The following OSBPL5 variants were observed in gnomAD, a reference collection of about 807,000 sequenced individuals.
OSBPL5 encodes the protein oxysterol binding protein like 5, also known as oxysterol-binding protein-related protein 5.
Under a neutral mutation model 111.2 loss-of-function variants are expected in OSBPL5, and 71 were observed. The observed-to-expected ratio is 0.64, with a 90% CI of 0.53 to 0.78. The LOEUF (loss-of-function observed/expected upper bound fraction) is 0.78. Ranked by LOEUF, OSBPL5 falls within the 30% of genes least tolerant of loss-of-function variation. OSBPL5 has a pLI of 0.00. For missense variants in OSBPL5, 1,210 were observed against 1,189.3 expected (o/e 1.02, Z -0.26); for synonymous variants, 549 against 513.9 (o/e 1.07, Z -0.93).
intron 21 of OSBPL5, 26 bp downstream of exon 21, chr11:3,089,820 G>A: frequency 6.5e-7 from 1 of 1,547,554 alleles, no homozygotes; most frequent in East Asian, 2.4e-5. Context: ...CCCGGAGTCT[G>A]GATGGACACC....
chr11:3,151,340 C>T (rs1846579092), intron 1 of OSBPL5, among the ~76,000 whole-genome samples: 1 of 152,182 alleles, frequency 6.6e-6, no homozygotes, highest in South Asian at 2.1e-4. Flanking sequence ...AGCACTCATG[C>T]CCTGGGTACA....
intron 1 of OSBPL5, among the ~76,000 whole-genome samples, chr11:3,148,475 G>C (rs978233987): frequency 2.0e-5 from 3 of 152,218 alleles, no homozygotes; most frequent in Admixed American, 2.0e-4. Context: ...GAAGAACAGA[G>C]GTCACAGAAG....
chr11:3,118,390 G>A (rs746326996), intron 7 of OSBPL5, among the ~76,000 whole-genome samples: 8 of 152,164 alleles, frequency 5.3e-5, no homozygotes, highest in Non-Finnish European at 7.4e-5. Context: ...GCCCCCTCCC[G>A]GCTTTGATTG....
chr11:3,135,559 G>A (rs551029338), intron 1 of OSBPL5, among the ~76,000 whole-genome samples: 2 of 152,274 alleles, frequency 1.3e-5, no homozygotes, highest in South Asian at 4.1e-4. Flanking sequence ...CCTCCTCCAG[G>A]CTAGCCCCAG....
chr11:3,094,548 GA>G (rs1857189728), intron 14 of OSBPL5: 1 of 248,506 alleles, frequency 4.0e-6, no homozygotes, highest in Admixed American at 1.1e-4. Flanking sequence ...CGGAGCCTGG[GA>G]GGTGCGGAGC....
chr11:3,106,763 A>T lies in OSBPL5; in HGVS notation c.1059+500T>A, dbSNP rs868780193. ...CTCCTCTTGTGTTTGTGGGTTTATC[A>T]TCTATGTTTCCTGCTGCCCATACAC... On this transcript the variant is annotated intron_variant, in intron 9 of 21. Transcript: ENST00000263650. This position sits in a 1 kb window ranked among gnomAD's most constrained non-coding sequence, Gnocchi z 8.4. Among the ~76,000 whole-genome samples the T allele has an allele frequency of 6.6e-5, 10 of 151,884 alleles. No individual in the cohort carries two copies. The highest frequency in any genetic ancestry group is 6.6e-4 in the Admixed American group (10 of 15,266).
In OSBPL5 at chr11:3,113,050, C is replaced by T. The variant is rs1255413101; in HGVS notation, c.692-5105G>A. The stretch of plus-strand genomic sequence containing the variant: ...GTGTCGTGTACACAATGTTTCACTA[C>T]TGAAAATATATAAAAGGGCTCTAAT... On this transcript the variant is annotated intron_variant, in intron 7 of 21. Coordinates refer to ENST00000263650, the MANE Select transcript of OSBPL5 (RefSeq NM_020896.4). This position sits in a 1 kb window ranked among gnomAD's most constrained non-coding sequence, Gnocchi z 4.8. 4.6e-5 allele frequency among the ~76,000 whole-genome samples: 7 copies of T among 152,048 alleles called. No individual in the cohort carries two copies. The highest frequency in any genetic ancestry group is 4.4e-5 in the Non-Finnish European group (3 of 68,018).
At chr11:3,151,814 C>T (rs1846596619) in intron 1 of OSBPL5, among the ~76,000 whole-genome samples, 1 of 152,256 alleles carries the variant, frequency 6.6e-6, no homozygotes, top group South Asian at 2.1e-4. Context: ...TGGGCCCCGT[C>T]ACTGGGGTCA....
intron 19 of OSBPL5, 164 bp from the exon 20 acceptor site, chr11:3,090,860 C>T (rs1369821882): frequency 1.1e-5 from 10 of 888,950 alleles, no homozygotes; most frequent in East Asian, 5.3e-5. Flanking sequence ...GTCTCAGCCC[C>T]GGCATGGCCT....
chr11:3,092,909 T>G lies in OSBPL5; in HGVS notation c.2090A>C (p.His697Pro), dbSNP rs773427798. The change falls in exon 18 of 22, where the codon CAC becomes CCC. Residue 697 changes from histidine (H) to proline (P), a missense_variant. Transcript: ENST00000263650. The surrounding 1 kb of genome is among the most constrained non-coding windows in gnomAD (Gnocchi z 5.4). ...CCACTCCTGGGTGATGGGGTCCAGGTGGAACAGCTGCGGCTTCCAGGGCAT... is the reference window on the plus strand; with the variant it reads ...CCACTCCTGGGTGATGGGGTCCAGGGGGAACAGCTGCGGCTTCCAGGGCAT... Reference protein sequence around the residue: ...SLMPWKPQLFHLDPITQEWHY... With the variant: ...SLMPWKPQLFPLDPITQEWHY... The G allele has an allele frequency of 7.7e-6, 12 of 1,564,018 alleles. No individual in the cohort carries two copies. The highest frequency in any genetic ancestry group is 1.0e-5 in the Non-Finnish European group (12 of 1,154,006).
intron 7 of OSBPL5, among the ~76,000 whole-genome samples, chr11:3,115,214 G>C (rs909364755): frequency 6.6e-6 from 1 of 152,050 alleles, no homozygotes; most frequent in Non-Finnish European, 1.5e-5. Context: ...TTGGTAAGTG[G>C]CCTAACAGAT....
At chr11:3,090,144 CCAGGCTGGACCAGCCACTAA>C (rs1857007733) in intron 20 of OSBPL5, among the ~76,000 whole-genome samples, 196 bp from the exon 21 acceptor site, 1 of 152,176 alleles carries the variant, frequency 6.6e-6, no homozygotes. Flanking sequence ...GAGGGAACCC[CCAGGCTGGACCAGCCACTAA>C]CAGGCCTGGG....
chr11:3,109,636 G>T lies in OSBPL5; in HGVS notation c.692-1691C>A, dbSNP rs753215651. Reference sequence around the variant, plus strand: ...GCTGCCCTTCTCATTGGGTTGGGGGGATATCTGGGATCCTGCTGGTTCCAC... The same window carrying T: ...GCTGCCCTTCTCATTGGGTTGGGGGTATATCTGGGATCCTGCTGGTTCCAC... On this transcript the variant is annotated intron_variant, in intron 7 of 21. Coordinates refer to ENST00000263650, the MANE Select transcript of OSBPL5 (RefSeq NM_020896.4). The surrounding 1 kb of genome is among the most constrained non-coding windows in gnomAD (Gnocchi z 7.4). 8.9e-4 allele frequency among the ~76,000 whole-genome samples: 135 copies of T among 152,178 alleles called. 2 individuals are homozygous for T. The highest frequency in any genetic ancestry group is 1.5e-3 in the Non-Finnish European group (104 of 67,996).
At chr11:3,116,302 T>C (rs1465030360) in intron 7 of OSBPL5, among the ~76,000 whole-genome samples, 3 of 152,228 alleles carry the variant, frequency 2.0e-5, no homozygotes, top group Non-Finnish European at 2.9e-5. Context: ...AATTTCCTTG[T>C]CAATTGTGTC....
At chr11:3,123,869 G>A (rs1226604100) in intron 3 of OSBPL5, among the ~76,000 whole-genome samples, 1 of 152,242 alleles carries the variant, frequency 6.6e-6, no homozygotes, top group Non-Finnish European at 1.5e-5. Context: ...GGCACAGAGA[G>A]GTGGAGAGCT....
chr11:3,115,178 C>A (rs1415026101), intron 7 of OSBPL5, among the ~76,000 whole-genome samples: 1 of 152,172 alleles, frequency 6.6e-6, no homozygotes, highest in African/African-American at 2.4e-5. Flanking sequence ...ATTCTATACA[C>A]TGCAGAAGGT....
At chr11:3,120,701 A>G (rs980028247) in intron 5 of OSBPL5, 77 bp from the exon 6 acceptor site, 4 of 1,518,268 alleles carry the variant, frequency 2.6e-6, no homozygotes, top group African/African-American at 1.4e-5. Context: ...CTTGGCGGGG[A>G]GCCAGGCACA....
At chr11:3,158,207 G>A (rs771086780) in intron 1 of OSBPL5, among the ~76,000 whole-genome samples, 12 of 152,256 alleles carry the variant, frequency 7.9e-5, no homozygotes, top group Admixed American at 3.9e-4. Context: ...CAGCTGTGCC[G>A]TTCCGAGGCA....
rs1456820626 is a variant in OSBPL5, at chr11:3,162,507, T to C, written c.-22+2709A>G. On this transcript the variant is annotated intron_variant, in intron 1 of 21. Coordinates refer to ENST00000263650, the MANE Select transcript of OSBPL5 (RefSeq NM_020896.4). The surrounding 1 kb of genome is among the most constrained non-coding windows in gnomAD (Gnocchi z 8.1). Reference sequence around the variant, plus strand: ...AGGCAATCTCACATCCTCGTGGACATGATCCCAGAGGCCCTGGCTCAGAAC... The same window carrying C: ...AGGCAATCTCACATCCTCGTGGACACGATCCCAGAGGCCCTGGCTCAGAAC... Among the ~76,000 whole-genome samples the C allele has an allele frequency of 6.6e-6, 1 of 151,608 alleles. No homozygotes were observed. Among genetic ancestry groups the C allele is most frequent in the Non-Finnish European group, 1.5e-5 (1 of 67,940 alleles).
Sources: gnomAD v4.1 joint callset for allele counts (sites outside exome capture counted in the v4.1 genomes callset) on GRCh38, gnomAD v4.1.1 for gene constraint, Gnocchi (gnomAD v3.1) non-coding constraint, MANE v1.5 for transcripts, NCBI Gene and HGNC (gene_info 2026-07-23, HGNC 2026-07-21) for gene names.